The following LRRTM4 variants were observed in gnomAD, a reference collection of about 807,000 sequenced individuals.
LRRTM4 encodes the protein leucine rich repeat transmembrane neuronal 4.
Under a neutral mutation model 47.6 loss-of-function variants are expected in LRRTM4, and 25 were observed. The ratio of observed to expected loss-of-function variants is 0.53; its 90% CI spans 0.38 to 0.73. LRRTM4 has a LOEUF of 0.73. Among genes scored for constraint, LRRTM4 ranks in the 30% least tolerant of loss-of-function variants. LRRTM4 has a pLI of 0.00. For missense variants in LRRTM4, 638 were observed against 713.4 expected (o/e 0.89, Z 1.20); for synonymous variants, 311 against 269.5 (o/e 1.15, Z -1.51).
chr2:77,226,754 A>T (rs970005551), intron 3 of LRRTM4, among the ~76,000 whole-genome samples: 7 of 151,934 alleles, frequency 4.6e-5, no homozygotes, highest in Non-Finnish European at 1.0e-4. Flanking sequence ...TTTTTGACAT[A>T]CATTGAATCC....
At chr2:77,520,932 G>A (rs1186372059) in intron 2 of LRRTM4, among the ~76,000 whole-genome samples, 3 of 151,928 alleles carry the variant, frequency 2.0e-5, no homozygotes, top group Non-Finnish European at 2.9e-5. Context: ...CAACTACCAT[G>A]TGTTGCAGTT....
chr2:76,872,228 C>A (rs565037492), intron 3 of LRRTM4, among the ~76,000 whole-genome samples: 1 of 152,104 alleles, frequency 6.6e-6, no homozygotes, highest in South Asian at 2.1e-4. Flanking sequence ...AAATTTTTCA[C>A]ATCTTAAGGA....
chr2:77,450,141 C>T (rs186944208), intron 3 of LRRTM4, among the ~76,000 whole-genome samples: 1 of 152,170 alleles, frequency 6.6e-6, no homozygotes, highest in Middle Eastern at 3.4e-3. Context: ...ATTTAAAACA[C>T]TTTTAATATG....
At chr2:77,431,836 G>C (rs573377070) in intron 3 of LRRTM4, among the ~76,000 whole-genome samples, 2 of 148,926 alleles carry the variant, frequency 1.3e-5, no homozygotes, top group Non-Finnish European at 2.9e-5. Context: ...AGCACTTTGC[G>C]AGGCTGAGGA....
chr2:77,163,404 C>A (rs944459857), intron 3 of LRRTM4, among the ~76,000 whole-genome samples: 2 of 152,184 alleles, frequency 1.3e-5, no homozygotes, highest in African/African-American at 4.8e-5. Context: ...AAACACTCTG[C>A]AGGATATTAT....
intron 3 of LRRTM4, among the ~76,000 whole-genome samples, chr2:76,948,372 T>A (rs1198280107): frequency 6.6e-6 from 1 of 151,872 alleles, no homozygotes; most frequent in Non-Finnish European, 1.5e-5. Context: ...AAGACAAATG[T>A]CTTGCCTTTT....
intron 3 of LRRTM4, among the ~76,000 whole-genome samples, chr2:76,841,522 G>A (rs1300882795): frequency 6.6e-6 from 1 of 151,804 alleles, no homozygotes; most frequent in South Asian, 2.1e-4. Context: ...TGTTACACTG[G>A]GATGGGAAGG....
At chr2:77,147,384 G>A (rs73940364) in intron 3 of LRRTM4, among the ~76,000 whole-genome samples, 1,880 of 152,270 alleles carry the variant, frequency 0.012, 38 homozygotes, top group Middle Eastern at 0.051. Context: ...GACAGGAACT[G>A]TTAGTGTGCA....
At chr2:76,873,122 A>G (rs1672673825) in intron 3 of LRRTM4, among the ~76,000 whole-genome samples, 2 of 152,154 alleles carry the variant, frequency 1.3e-5, no homozygotes, top group African/African-American at 2.4e-5. Flanking sequence ...CTTCCAGCAT[A>G]CTATACAGTA....
intron 3 of LRRTM4, among the ~76,000 whole-genome samples, chr2:77,478,155 T>C (rs1677512580): frequency 6.6e-6 from 1 of 152,164 alleles, no homozygotes; most frequent in Admixed American, 6.5e-5. Context: ...TATTTTTCTT[T>C]CCCTCTATTT....
chr2:77,065,215 A>G (rs1679914785), intron 3 of LRRTM4, among the ~76,000 whole-genome samples: 1 of 152,172 alleles, frequency 6.6e-6, no homozygotes, highest in East Asian at 1.9e-4. Flanking sequence ...GTTGCTAATT[A>G]GGAGGCAAAA....
chr2:76,922,176 C>T (rs192930247), intron 3 of LRRTM4, among the ~76,000 whole-genome samples: 1 of 152,142 alleles, frequency 6.6e-6, no homozygotes, highest in Admixed American at 6.6e-5. Flanking sequence ...CTCACTTATA[C>T]ATGTATATTA....
At chr2:76,875,369 T>C (rs1309954886) in intron 3 of LRRTM4, among the ~76,000 whole-genome samples, 1 of 152,144 alleles carries the variant, frequency 6.6e-6, no homozygotes, top group African/African-American at 2.4e-5. Context: ...ACATAAACTT[T>C]GTATGTGACT....
At chr2:77,034,043 A>G (rs1678754269) in intron 3 of LRRTM4, among the ~76,000 whole-genome samples, 2 of 151,746 alleles carry the variant, frequency 1.3e-5, no homozygotes, top group Admixed American at 6.6e-5. Flanking sequence ...TAAATACTGG[A>G]AAAAACCATA....
At chr2:77,063,412 A>G (rs1252151353) in intron 3 of LRRTM4, among the ~76,000 whole-genome samples, 1 of 152,116 alleles carries the variant, frequency 6.6e-6, no homozygotes, top group Non-Finnish European at 1.5e-5. Context: ...GTATTTGCTA[A>G]CCATGCGGCC....
chr2:77,023,533 C>G, intron 3 of LRRTM4, among the ~76,000 whole-genome samples: 1 of 152,200 alleles, frequency 6.6e-6, no homozygotes, highest in East Asian at 1.9e-4. Context: ...TAACAGCACC[C>G]AAGTAACCTC....
chr2:77,030,184 G>A (rs747201814), intron 3 of LRRTM4, among the ~76,000 whole-genome samples: 2 of 152,208 alleles, frequency 1.3e-5, no homozygotes, highest in South Asian at 2.1e-4. Context: ...TGTAATCCCA[G>A]CACTTTGGGA....
intron 3 of LRRTM4, among the ~76,000 whole-genome samples, chr2:77,350,752 A>T (rs908951996): frequency 1.3e-5 from 2 of 152,208 alleles, no homozygotes; most frequent in Admixed American, 1.3e-4. Context: ...AAATGATATG[A>T]ATTGGCAATT....
intron 3 of LRRTM4, among the ~76,000 whole-genome samples, chr2:76,912,288 G>A (rs1472318980): frequency 6.6e-6 from 1 of 152,060 alleles, no homozygotes; most frequent in Admixed American, 6.6e-5. Context: ...TTTATAACCT[G>A]TTTTCGTTAC....
Sources: gnomAD v4.1 joint callset for allele counts (sites outside exome capture counted in the v4.1 genomes callset) on GRCh38, gnomAD v4.1.1 for gene constraint, MANE v1.5 for transcripts, NCBI Gene and HGNC (gene_info 2026-07-23, HGNC 2026-07-21) for gene names.